CDH12: variants seen among roughly 807,000 people sequenced by gnomAD.
The protein encoded by CDH12 is cadherin-12.
Under a neutral mutation model 74.1 loss-of-function variants are expected in CDH12, and 41 were observed. The observed-to-expected ratio is 0.55, with a 90% CI of 0.43 to 0.72. The LOEUF (loss-of-function observed/expected upper bound fraction) is 0.72, where lower values mean the gene tolerates loss of function less well. Among genes scored for constraint, CDH12 ranks in the 30% least tolerant of loss-of-function variants. The probability of loss-of-function intolerance (pLI) is 0.00; values close to 1 mark genes in which losing one functional copy is unlikely to be tolerated. For synonymous variants in CDH12, 399 were observed against 355.0 expected (o/e 1.12, Z -1.39); for missense variants, 945 against 977.2 (o/e 0.97, Z 0.44).
intron 6 of CDH12, among the ~76,000 whole-genome samples, chr5:21,895,229 C>T (rs1753068820): frequency 6.6e-6 from 1 of 152,016 alleles, no homozygotes; most frequent in African/African-American, 2.4e-5. Context: ...TGTATCTCCC[C>T]CTCACACTCC....
At chr5:21,822,753 A>G (rs1448019636) in intron 8 of CDH12, among the ~76,000 whole-genome samples, 1 of 152,110 alleles carries the variant, frequency 6.6e-6, no homozygotes, top group Non-Finnish European at 1.5e-5. Context: ...TTGAGATGTT[A>G]TATTTGCCCA....
At chr5:22,820,411 T>G (rs1400080653) in intron 1 of CDH12, among the ~76,000 whole-genome samples, 1 of 151,988 alleles carries the variant, frequency 6.6e-6, no homozygotes, top group East Asian at 1.9e-4. Context: ...TGATAGTGAA[T>G]AAGTCTCATG....
At chr5:22,343,321 C>CAT (rs1283582617) in intron 3 of CDH12, among the ~76,000 whole-genome samples, 1 of 124,214 alleles carries the variant, frequency 8.1e-6, no homozygotes, top group African/African-American at 3.7e-5. Context: ...CAGACACACA[C>CAT]ACAGAGAGAG....
chr5:22,003,009 AGGGGC>A (rs1561010655), intron 5 of CDH12, among the ~76,000 whole-genome samples: 2 of 152,098 alleles, frequency 1.3e-5, no homozygotes, highest in Non-Finnish European at 2.9e-5. Context: ...TTAAACAAAA[AGGGGC>A]TTTTGATTTA....
At chr5:21,882,483 C>A (rs1752403914) in intron 6 of CDH12, 4 of 689,142 alleles carry the variant, frequency 5.8e-6, no homozygotes, top group Non-Finnish European at 1.0e-5. Flanking sequence ...AGTACAACTG[C>A]CACATTTATT....
chr5:22,115,403 T>G (rs547152651), intron 4 of CDH12, among the ~76,000 whole-genome samples: 1 of 152,282 alleles, frequency 6.6e-6, no homozygotes, highest in Non-Finnish European at 1.5e-5. Flanking sequence ...ATGGATATGA[T>G]AATAAGATCA....
intron 4 of CDH12, among the ~76,000 whole-genome samples, chr5:22,126,709 T>C (rs573104767): frequency 1.3e-5 from 2 of 152,204 alleles, no homozygotes; most frequent in Non-Finnish European, 1.5e-5. Flanking sequence ...GTGAATACAG[T>C]TGCAGAGTCT....
chr5:22,174,331 C>A (rs191441312), intron 4 of CDH12, among the ~76,000 whole-genome samples: 19 of 152,042 alleles, frequency 1.2e-4, no homozygotes, highest in African/African-American at 4.3e-4. Flanking sequence ...CTTCAAATTT[C>A]ATCTAATTTA....
At chr5:22,492,821 C>A (rs1181040024) in intron 2 of CDH12, among the ~76,000 whole-genome samples, 1 of 152,106 alleles carries the variant, frequency 6.6e-6, no homozygotes, top group African/African-American at 2.4e-5. Flanking sequence ...TTCTCCCTTG[C>A]TCTCCTGAGG....
At chr5:22,615,389 T>C (rs1737645250) in intron 1 of CDH12, among the ~76,000 whole-genome samples, 2 of 152,120 alleles carry the variant, frequency 1.3e-5, no homozygotes, top group South Asian at 4.1e-4. Flanking sequence ...ACTAAATTGT[T>C]ACTCTCTCTA....
intron 1 of CDH12, among the ~76,000 whole-genome samples, chr5:22,520,425 T>C (rs1171624965): frequency 6.6e-6 from 1 of 152,108 alleles, no homozygotes; most frequent in Non-Finnish European, 1.5e-5. Flanking sequence ...GAACATCCAT[T>C]ATAAGGAATC....
intron 4 of CDH12, among the ~76,000 whole-genome samples, chr5:22,206,280 A>C (rs1176692522): frequency 6.6e-6 from 1 of 152,154 alleles, no homozygotes; most frequent in Non-Finnish European, 1.5e-5. Flanking sequence ...CCACACTCTA[A>C]AACCTCTAAA....
chr5:22,540,683 A>C (rs1738063883), intron 1 of CDH12, among the ~76,000 whole-genome samples: 1 of 152,164 alleles, frequency 6.6e-6, no homozygotes, highest in African/African-American at 2.4e-5. Flanking sequence ...CCTACACATA[A>C]ATTTAAAGAA....
intron 2 of CDH12, among the ~76,000 whole-genome samples, chr5:22,418,980 G>A (rs62348983): frequency 6.6e-6 from 1 of 152,100 alleles, no homozygotes; most frequent in Admixed American, 6.6e-5. Flanking sequence ...GCATGAAGGG[G>A]TGTTGAAGTT....
chr5:22,763,645 A>C (rs977280061), intron 1 of CDH12, among the ~76,000 whole-genome samples: 2 of 151,924 alleles, frequency 1.3e-5, no homozygotes, highest in Non-Finnish European at 2.9e-5. Context: ...TCTAACCTAT[A>C]AAAGTAAGAG....
At chr5:22,382,959 T>A (rs1364466042) in intron 3 of CDH12, among the ~76,000 whole-genome samples, 1 of 151,998 alleles carries the variant, frequency 6.6e-6, no homozygotes, top group Non-Finnish European at 1.5e-5. Flanking sequence ...GCCTTCTGAG[T>A]AGCTGGGATT....
At chr5:22,308,448 A>T (rs1738222969) in intron 3 of CDH12, among the ~76,000 whole-genome samples, 2 of 152,122 alleles carry the variant, frequency 1.3e-5, no homozygotes, top group African/African-American at 4.8e-5. Context: ...TACCTTTATT[A>T]ACCATTAGTT....
At chr5:22,844,640 A>C (rs979222146) in intron 1 of CDH12, among the ~76,000 whole-genome samples, 3 of 152,046 alleles carry the variant, frequency 2.0e-5, no homozygotes, top group African/African-American at 7.2e-5. Flanking sequence ...AAATGTGCAT[A>C]TGTGTCAAGT....
intron 2 of CDH12, among the ~76,000 whole-genome samples, chr5:22,443,626 G>A (rs762235635): frequency 6.6e-6 from 1 of 151,924 alleles, no homozygotes; most frequent in African/African-American, 2.4e-5. Context: ...CAGAATTTAT[G>A]ATACAAACGC....
Sources: allele counts gnomAD v4.1 joint callset (sites outside exome capture counted in the v4.1 genomes callset), GRCh38; gene constraint gnomAD v4.1.1; transcripts MANE v1.5; gene names NCBI Gene and HGNC (gene_info 2026-07-23, HGNC 2026-07-21).